Variants in SGCD observed in about 807,000 individuals in gnomAD.
SGCD encodes delta-sarcoglycan.
SGCD carries 18 observed loss-of-function variants against 36.6 expected under a neutral mutation model. The ratio of observed to expected loss-of-function variants is 0.49; its 90% confidence interval spans 0.34 to 0.73. SGCD has a LOEUF of 0.73. SGCD is among the 30% of genes least tolerant of loss of function. The probability of loss-of-function intolerance (pLI) is 0.01; values close to 1 mark genes in which losing one functional copy is unlikely to be tolerated. For synonymous variants in SGCD, 133 were observed against 130.6 expected (o/e 1.02, Z -0.12); for missense variants, 387 against 346.7 (o/e 1.12, Z -0.92).
rs77162970 is a variant in SGCD at position 156,287,951 on chromosome 5, G to A, written c.-43-41583G>A. On this transcript the variant is annotated intron_variant, in intron 3 of 9. Coordinates refer to the SGCD transcript ENST00000517913. Reference sequence around the variant, plus strand: ...ATATATGCCAAGTGCCAGGTACTGCGTCTGGACAAAATGTAGCCATGACAG... The same window carrying A: ...ATATATGCCAAGTGCCAGGTACTGCATCTGGACAAAATGTAGCCATGACAG... Among the ~76,000 whole-genome samples, 1,121 of 152,188 alleles carry A rather than the reference G, an allele frequency of 7.4e-3. 8 individuals carry two copies. The highest frequency in any genetic ancestry group is 0.021 in the African/African-American group (859 of 41,542).
intron 2 of SGCD, 150 bp downstream of exon 2, chr5:156,329,729 A>T: frequency 1.3e-6 from 1 of 764,828 alleles, no homozygotes; most frequent in South Asian, 2.4e-5. Flanking sequence ...ATTTTAAAAA[A>T]TCTGCAGGCC....
chr5:156,524,695 T>G (rs1757572582), intron 4 of SGCD, among the ~76,000 whole-genome samples: 1 of 151,996 alleles, frequency 6.6e-6, no homozygotes, highest in Non-Finnish European at 1.5e-5. Context: ...CAGAACTTAT[T>G]CACGTTATAA....
chr5:156,095,289 G>T (rs1398362371), intron 1 of SGCD, among the ~76,000 whole-genome samples: 4 of 152,196 alleles, frequency 2.6e-5, no homozygotes, highest in African/African-American at 7.2e-5. Flanking sequence ...CAGGGGAGGG[G>T]AGATGGAAAA....
chr5:156,090,446 T>A (rs549237640), intron 1 of SGCD, among the ~76,000 whole-genome samples: 1 of 152,176 alleles, frequency 6.6e-6, no homozygotes, highest in South Asian at 2.1e-4. Context: ...ACTAGCAAAT[T>A]TTTATTAGGG....
In SGCD at chr5:156,229,277, CATATATAT is replaced by C. The variant is rs570200528; in HGVS notation, c.-43-100241_-43-100234del. On this transcript the variant is annotated intron_variant, in intron 3 of 9. Coordinates refer to the SGCD transcript ENST00000517913. ...ACATACATACATATATATATACATACATATATATATATATATATATATAAAATTAGTTC... is the reference window on the plus strand; with the variant it reads ...ACATACATACATATATATATACATACATATATATATATATAAAATTAGTTC... Among the ~76,000 whole-genome samples the C allele has an allele frequency of 1.8e-3, 99 of 56,476 alleles. 6 individuals are homozygous for C. The highest frequency in any genetic ancestry group is 0.016 in the Admixed American group (67 of 4,184). The allele number at this position is 56,476 out of a possible 152,430, so 37.1% of individuals were successfully genotyped here.
At chr5:155,841,982 A>G in the SGCD span, among the ~76,000 whole-genome samples, 1 of 152,136 alleles carries the variant, frequency 6.6e-6, no homozygotes, top group Admixed American at 6.5e-5. Context: ...AATAAGTGAA[A>G]TAGATGCCTA....
intron 1 of SGCD, among the ~76,000 whole-genome samples, chr5:155,977,104 C>T (rs142118409): frequency 3.6e-3 from 556 of 152,340 alleles, no homozygotes; most frequent in Non-Finnish European, 5.3e-3. Context: ...CTGGGCCAAG[C>T]GCTTTGCACC....
chr5:155,934,191 G>A (rs893889635), intron 1 of SGCD, among the ~76,000 whole-genome samples: 1 of 152,194 alleles, frequency 6.6e-6, no homozygotes, highest in Non-Finnish European at 1.5e-5. Context: ...GGTAGAGAAT[G>A]TTGCCAGGTG....
chr5:156,306,500 G>A (rs898170131), intron 3 of SGCD, among the ~76,000 whole-genome samples: 54 of 152,166 alleles, frequency 3.5e-4, no homozygotes, highest in African/African-American at 1.3e-3. Context: ...GTCTTTATCA[G>A]CAGCATGAAA....
At chr5:156,190,199 A>G (rs775058526) in intron 3 of SGCD, among the ~76,000 whole-genome samples, 1 of 152,168 alleles carries the variant, frequency 6.6e-6, no homozygotes, top group Non-Finnish European at 1.5e-5. Flanking sequence ...CATTAGTAGT[A>G]GCAAACTATA....
intron 3 of SGCD, among the ~76,000 whole-genome samples, chr5:156,364,151 T>G (rs934152056): frequency 6.6e-6 from 1 of 151,496 alleles, no homozygotes; most frequent in Non-Finnish European, 1.5e-5. Context: ...GAACTGAATC[T>G]ACTGAGTTAT....
intron 1 of SGCD, among the ~76,000 whole-genome samples, chr5:156,074,285 T>C (rs2127589402): frequency 6.6e-6 from 1 of 152,232 alleles, no homozygotes; most frequent in African/African-American, 2.4e-5. Flanking sequence ...GATGGGATTG[T>C]CATCTTGGGG....
At chr5:156,392,813 C>T (rs1173449799) in intron 3 of SGCD, among the ~76,000 whole-genome samples, 1 of 152,146 alleles carries the variant, frequency 6.6e-6, no homozygotes, top group Non-Finnish European at 1.5e-5. Flanking sequence ...AACTTTGGGT[C>T]ATTCTGCTGG....
the SGCD span, among the ~76,000 whole-genome samples, chr5:155,728,601 C>T: frequency 2.0e-5 from 3 of 152,158 alleles, no homozygotes; most frequent in Non-Finnish European, 4.4e-5. Flanking sequence ...TTCTTCTAGG[C>T]GGCGGCCGGC....
chr5:155,849,169 A>G, the SGCD span, among the ~76,000 whole-genome samples: 1 of 152,144 alleles, frequency 6.6e-6, no homozygotes, highest in Non-Finnish European at 1.5e-5. Flanking sequence ...TAATGTCGTA[A>G]TGGTAACCAG....
chr5:156,015,383 C>A (rs974204231), intron 1 of SGCD, among the ~76,000 whole-genome samples: 2 of 152,062 alleles, frequency 1.3e-5, no homozygotes. Flanking sequence ...TATACATCTT[C>A]ATTATCTTTT....
chr5:156,443,087 T>C (rs1277323126), intron 3 of SGCD, among the ~76,000 whole-genome samples: 1 of 152,046 alleles, frequency 6.6e-6, no homozygotes, highest in Non-Finnish European at 1.5e-5. Context: ...TAGGTTTAGG[T>C]GATTCTCCTG....
chr5:156,430,193 G>A (rs994922691), intron 3 of SGCD, among the ~76,000 whole-genome samples: 3 of 152,040 alleles, frequency 2.0e-5, no homozygotes, highest in Admixed American at 1.3e-4. Flanking sequence ...ATATTTCATG[G>A]ATACTTTGTT....
At chr5:156,675,045 A>T (rs1304764941) in intron 7 of SGCD, among the ~76,000 whole-genome samples, 1 of 152,160 alleles carries the variant, frequency 6.6e-6, no homozygotes, top group East Asian at 1.9e-4. Flanking sequence ...TGGGCGACTC[A>T]GAATCTCCGT....
Sources: allele counts gnomAD v4.1 joint callset (sites outside exome capture counted in the v4.1 genomes callset), GRCh38; gene constraint gnomAD v4.1.1; transcripts MANE v1.5; gene names NCBI Gene and HGNC (gene_info 2026-07-23, HGNC 2026-07-21).